KCNN3: variants seen among roughly 807,000 people sequenced by gnomAD.
KCNN3 encodes the protein potassium calcium-activated channel subfamily N member 3.
KCNN3 carries 16 observed loss-of-function variants against 62.9 expected under a neutral mutation model. The observed-to-expected ratio is 0.25, with a 90% CI of 0.17 to 0.39. KCNN3 has a LOEUF of 0.39. KCNN3 is among the 10% of genes least tolerant of loss of function. The pLI, the probability that KCNN3 is intolerant of heterozygous loss-of-function variation, is 1.00. For synonymous variants in KCNN3, 370 were observed against 389.2 expected (o/e 0.95, Z 0.58); for missense variants, 599 against 949.4 (o/e 0.63, Z 4.85).
At chr1:154,821,291 T>C (rs186325926) in intron 2 of KCNN3, among the ~76,000 whole-genome samples, 12 of 152,326 alleles carry the variant, frequency 7.9e-5, no homozygotes, top group African/African-American at 2.9e-4. Flanking sequence ...GTTTCCAGAT[T>C]CACATGCACA....
chr1:154,841,391 C>T (rs567934189), intron 1 of KCNN3, among the ~76,000 whole-genome samples: 1 of 152,318 alleles, frequency 6.6e-6, no homozygotes, highest in Non-Finnish European at 1.5e-5. Flanking sequence ...AAAATCCCCA[C>T]ACCCAGGTTG....
chr1:154,714,458 G>T (rs1700177659), intron 6 of KCNN3, among the ~76,000 whole-genome samples: 1 of 40,020 alleles, frequency 2.5e-5, no homozygotes, highest in African/African-American at 1.1e-4. Flanking sequence ...TGTGGTGTTT[G>T]TGTGTGGTGT....
At position 154,701,182 on chromosome 1, in the gene KCNN3, T is replaced by C. The variant is rs1699845350; in HGVS notation, c.*6794A>G. 6.6e-6 allele frequency: 1 copy of C among 152,196 alleles called. No homozygotes were observed. The highest frequency in any genetic ancestry group is 1.5e-5 in the Non-Finnish European group (1 of 68,032). The allele number at this position is 152,196 out of a possible 1,614,324, so 9.4% of individuals were successfully genotyped here. On this transcript the variant is annotated 3_prime_UTR_variant, in exon 8 of 8. Coordinates refer to ENST00000271915, the MANE Select transcript of KCNN3 (RefSeq NM_002249.6). ...CCCCATGACTTATATACCTTTAAGC[T>C]CATATAAATTGAAATTTGAAGGATT...
intron 2 of KCNN3, among the ~76,000 whole-genome samples, chr1:154,796,928 G>A (rs1649759675): frequency 6.6e-6 from 1 of 152,202 alleles, no homozygotes; most frequent in South Asian, 2.1e-4. Context: ...AAATGAAAAA[G>A]GCGTTTGGGA....
At chr1:154,853,409 C>T (rs1405736854) in intron 1 of KCNN3, among the ~76,000 whole-genome samples, 1 of 152,208 alleles carries the variant, frequency 6.6e-6, no homozygotes, top group Non-Finnish European at 1.5e-5. Context: ...GATCACAGCT[C>T]ACTACAGCTT....
At chr1:154,750,395 C>G (rs1647310360) in intron 3 of KCNN3, among the ~76,000 whole-genome samples, 1 of 152,252 alleles carries the variant, frequency 6.6e-6, no homozygotes, top group South Asian at 2.1e-4. Context: ...CAATCCTTTT[C>G]TCTGCCTCTT....
At chr1:154,776,803 G>A (rs1487924853) in intron 2 of KCNN3, among the ~76,000 whole-genome samples, 2 of 152,186 alleles carry the variant, frequency 1.3e-5, no homozygotes, top group East Asian at 3.9e-4. Flanking sequence ...TGACTTGGAG[G>A]GCTTGTTCAA....
chr1:154,862,975 G>A lies in KCNN3; in HGVS notation c.933+6057C>T, dbSNP rs1355072582. Among the ~76,000 whole-genome samples, 1 of 152,210 alleles carries A rather than the reference G, an allele frequency of 6.6e-6. No individual in the cohort carries two copies. The highest frequency in any genetic ancestry group is 2.4e-5 in the African/African-American group (1 of 41,440). On this transcript the variant is annotated intron_variant, in intron 1 of 7. Transcript: ENST00000271915. The surrounding 1 kb of genome is among the most constrained non-coding windows in gnomAD (Gnocchi z 4.1). ...AGTGCCACCACCGCTGGCAGTGTCA[G>A]TGTGGCCCGGTGACTTCATCTACAC...
chr1:154,774,382 G>A (rs192794536), intron 2 of KCNN3, among the ~76,000 whole-genome samples: 1 of 152,302 alleles, frequency 6.6e-6, no homozygotes, highest in Non-Finnish European at 1.5e-5. Context: ...TCCCACTGTG[G>A]AGTCCCACCA....
intron 3 of KCNN3, among the ~76,000 whole-genome samples, chr1:154,762,125 A>G (rs1294044437): frequency 6.6e-6 from 1 of 152,226 alleles, no homozygotes; most frequent in African/African-American, 2.4e-5. Flanking sequence ...TGCACCATGC[A>G]GAAGAGGTTT....
intron 3 of KCNN3, among the ~76,000 whole-genome samples, chr1:154,751,058 A>G (rs544344512): frequency 6.6e-6 from 1 of 152,316 alleles, no homozygotes; most frequent in East Asian, 1.9e-4. Flanking sequence ...CATCTGGTGC[A>G]CTTCTCACCA....
chr1:154,733,664 G>A (rs903220025), intron 3 of KCNN3, among the ~76,000 whole-genome samples: 5 of 152,152 alleles, frequency 3.3e-5, no homozygotes, highest in Non-Finnish European at 4.4e-5. Flanking sequence ...TGGGGCTCTC[G>A]TGGAGCTGTC....
intron 2 of KCNN3, among the ~76,000 whole-genome samples, chr1:154,820,579 A>T (rs531372074): frequency 1.4e-4 from 22 of 152,300 alleles, no homozygotes; most frequent in African/African-American, 4.6e-4. Context: ...CCCGGAGCCC[A>T]GACTGTCAAC....
intron 2 of KCNN3, 73 bp downstream of exon 2, chr1:154,822,016 T>TGGG: frequency 9.1e-7 from 1 of 1,097,616 alleles, no homozygotes; most frequent in East Asian, 2.4e-5. Context: ...GTTTTGGGGG[T>TGGG]GGGGATGGGC....
intron 2 of KCNN3, among the ~76,000 whole-genome samples, chr1:154,808,517 G>T (rs773716702): frequency 6.6e-6 from 1 of 152,102 alleles, no homozygotes; most frequent in African/African-American, 2.4e-5. Context: ...CAGCCAAGGC[G>T]TGTGTGTCTG....
At chr1:154,868,206 G>T (rs1653027083) in intron 1 of KCNN3, 6 of 985,558 alleles carry the variant, frequency 6.1e-6, no homozygotes, top group Non-Finnish European at 7.2e-6. Context: ...CCAAGGAGAG[G>T]TGCTCCCCCA....
At chr1:154,853,046 G>A (rs1349685422) in intron 1 of KCNN3, among the ~76,000 whole-genome samples, 1 of 152,198 alleles carries the variant, frequency 6.6e-6, no homozygotes. Context: ...CTGGAGCACA[G>A]TGGCGTAATC....
chr1:154,818,892 G>C (rs967382556), intron 2 of KCNN3, among the ~76,000 whole-genome samples: 1 of 152,360 alleles, frequency 6.6e-6, no homozygotes, highest in African/African-American at 2.4e-5. Flanking sequence ...TGTGTGCTGG[G>C]CAGGGCCTGG....
rs967275222 is a variant in KCNN3, at chr1:154,859,860, C to G, written c.933+9172G>C. ...ACTTTCCTGTTAATTTGACACTGAGCAGCACTCCTGTCCTTTAAGAAAAAT... is the reference window on the plus strand; with the variant it reads ...ACTTTCCTGTTAATTTGACACTGAGGAGCACTCCTGTCCTTTAAGAAAAAT... On this transcript the variant is annotated intron_variant, in intron 1 of 7. Transcript: ENST00000271915. 288 of 1,576,090 alleles carry G rather than the reference C, an allele frequency of 1.8e-4. 2 individuals are homozygous for G. Among genetic ancestry groups the G allele is most frequent in the Non-Finnish European group, 3.1e-5 (36 of 1,158,448 alleles).
Sources: gnomAD v4.1 joint callset for allele counts (sites outside exome capture counted in the v4.1 genomes callset) on GRCh38, gnomAD v4.1.1 for gene constraint, Gnocchi (gnomAD v3.1) non-coding constraint, MANE v1.5 for transcripts, NCBI Gene and HGNC (gene_info 2026-07-23, HGNC 2026-07-21) for gene names.